The following ADGRD1 variants were observed in gnomAD, a reference collection of about 807,000 sequenced individuals.
ADGRD1 encodes adhesion G protein-coupled receptor D1.
In ADGRD1, 77 loss-of-function variants were observed where a neutral mutation model predicts 113.4. The observed-to-expected ratio is 0.68, with a 90% CI of 0.57 to 0.82. The LOEUF is 0.82. Among genes scored for constraint, ADGRD1 ranks in the 40% least tolerant of loss-of-function variants. ADGRD1 has a pLI of 0.00. For missense variants in ADGRD1, 1,036 were observed against 1,139.1 expected, an observed-to-expected ratio of 0.91 and a Z score of 1.30; for synonymous variants, 474 against 475.0, an observed-to-expected ratio of 1.00 and a Z score of 0.03.
intron 15 of ADGRD1, among the ~76,000 whole-genome samples, chr12:131,088,544 T>G (rs912906634): frequency 5.3e-5 from 8 of 152,076 alleles, no homozygotes; most frequent in Non-Finnish European, 8.8e-5. Context: ...CTCCCGGCCC[T>G]GAGCAAGGAC....
intron 13 of ADGRD1, chr12:131,069,109 C>A (rs1882196): frequency 6.6e-6 from 1 of 152,228 alleles, no homozygotes; most frequent in Admixed American, 6.5e-5. Flanking sequence ...GTCCCCCCGA[C>A]CCTGAGGCTC....
rs372462023 is a variant in ADGRD1 at position 130,994,327 on chromosome 12, CTG to C, written c.966+1938_966+1939del. ...TGTTGAGATGGGCTACAAGGGGTGA[CTG>C]TGGCAGGCGGTGCCTTCTATGCAGT... On this transcript the variant is annotated intron_variant, in intron 8 of 24. Transcript: ENST00000261654. The C allele has an allele frequency of 4.1e-5, 17 of 417,636 alleles. No individual in the cohort carries two copies. In the Middle Eastern group the frequency reaches 1.0e-3, roughly 26 times the overall value. The allele number at this position is 417,636 out of a possible 1,614,324, so 25.9% of individuals were successfully genotyped here.
At chr12:131,046,745 C>T (rs1206031952) in intron 13 of ADGRD1, among the ~76,000 whole-genome samples, 1 of 131,720 alleles carries the variant, frequency 7.6e-6, no homozygotes, top group South Asian at 2.6e-4. Context: ...CCTCCCTGGG[C>T]AGTGTCCTCC....
Position 131,075,564 on chromosome 12 carries a change from C to T in ADGRD1, c.1474-1237C>T, listed in dbSNP as rs1885535541. 1.3e-5 allele frequency among the ~76,000 whole-genome samples: 2 copies of T among 152,204 alleles called. No homozygotes were observed. The highest frequency in any genetic ancestry group is 6.5e-5 in the Admixed American group (1 of 15,280). On this transcript the variant is annotated intron_variant, in intron 13 of 24. Coordinates refer to ENST00000261654, the MANE Select transcript of ADGRD1 (RefSeq NM_198827.5). The surrounding 1 kb of genome is among the most constrained non-coding windows in gnomAD (Gnocchi z 5.3). ...GAGTAAACGTTCCATTTTGCCAAAA[C>T]ATTAGTAGTAGACAGCACTAGGATA...
At chr12:131,004,370 T>A (rs1343194228) in intron 11 of ADGRD1, 74 bp downstream of exon 11, 1 of 960,948 alleles carries the variant, frequency 1.0e-6, no homozygotes, top group Admixed American at 2.1e-5. Flanking sequence ...CAAGCTTTGC[T>A]GGGTGCCCAC....
intron 13 of ADGRD1, among the ~76,000 whole-genome samples, chr12:131,064,802 C>G (rs1340232761): frequency 6.6e-6 from 1 of 152,158 alleles, no homozygotes; most frequent in East Asian, 1.9e-4. Flanking sequence ...TTTTAGAAAG[C>G]AAAGGGAAAG....
At chr12:131,117,431 T>C (rs1184482347) in intron 18 of ADGRD1, among the ~76,000 whole-genome samples, 1 of 152,214 alleles carries the variant, frequency 6.6e-6, no homozygotes, top group South Asian at 2.1e-4. Flanking sequence ...AAGATTTTGT[T>C]TTCTTTTTCC....
intron 2 of ADGRD1, among the ~76,000 whole-genome samples, chr12:130,964,552 G>A (rs532794172): frequency 4.6e-5 from 7 of 152,272 alleles, no homozygotes; most frequent in Admixed American, 3.3e-4. Context: ...GGGCATGGTG[G>A]TCGGTGCCTG....
chr12:131,013,578 C>T (rs953545759), intron 12 of ADGRD1, among the ~76,000 whole-genome samples: 1 of 152,180 alleles, frequency 6.6e-6, no homozygotes, highest in East Asian at 1.9e-4. Context: ...TGATCCAGAC[C>T]CAGATACCAG....
Position 130,966,491 on chromosome 12 carries a change from T to A in ADGRD1, c.132T>A (p.His44Gln). The change falls in exon 3 of 25, where the codon CAT becomes CAA. Residue 44 changes from histidine to glutamine, a missense_variant. Physicochemically the swap from His to Gln is conservative, Grantham distance 24. Coordinates refer to ENST00000261654, the MANE Select transcript of ADGRD1 (RefSeq NM_198827.5). This position sits in a 1 kb window ranked among gnomAD's most constrained non-coding sequence, Gnocchi z 4.6. ...TTCAGGTGTTGGCGTCTGCTTCCCA[T>A]TACTGGCCACTGGAGAATGTGGATG... is the stretch of plus-strand genomic sequence containing the variant. Reference protein sequence around the residue: ...PGFQVLASASHYWPLENVDGI... With the variant: ...PGFQVLASASQYWPLENVDGI... The A allele has an allele frequency of 1.2e-6, 2 of 1,611,448 alleles. No individual in the cohort carries two copies. Among genetic ancestry groups the A allele is most frequent in the African/African-American group, 1.3e-5 (1 of 75,012 alleles).
chr12:131,076,583 G>A (rs962076821), intron 13 of ADGRD1, among the ~76,000 whole-genome samples: 1 of 152,012 alleles, frequency 6.6e-6, no homozygotes, highest in African/African-American at 2.4e-5. Context: ...CACCTGCCAG[G>A]GCCCTTGGGT....
chr12:131,088,853 G>A lies in ADGRD1; in HGVS notation c.1671+4190G>A, dbSNP rs565618100. On this transcript the variant is annotated intron_variant, in intron 15 of 24. Coordinates refer to ENST00000261654, the MANE Select transcript of ADGRD1 (RefSeq NM_198827.5). ...AAATCTTCTGACTGTTAGAGGTGTC[G>A]TCAGTTATTACTTCTGAGCCATATG... is the stretch of plus-strand genomic sequence containing the variant. Among the ~76,000 whole-genome samples the A allele has an allele frequency of 3.3e-5, 5 of 152,304 alleles. No homozygotes were observed. The East Asian group carries it at 7.7e-4, about 24-fold the overall frequency.
intron 2 of ADGRD1, among the ~76,000 whole-genome samples, chr12:130,955,123 C>CCTTTTTTTTTTTTT (rs1555232321): frequency 2.0e-5 from 2 of 99,716 alleles, no homozygotes; most frequent in East Asian, 5.2e-4. Context: ...CTACACCCAG[C>CCTTTTTTTTTTTTT]TTTTTTTTTT....
intron 2 of ADGRD1, among the ~76,000 whole-genome samples, chr12:130,963,514 C>T (rs1870655586): frequency 6.6e-6 from 1 of 152,090 alleles, no homozygotes; most frequent in Admixed American, 6.5e-5. Context: ...CTGCCCTGAA[C>T]CAACTATATT....
At position 131,096,776 on chromosome 12, in the gene ADGRD1, C is replaced by T. The variant is rs1214107440; in HGVS notation, c.1672-8055C>T. Reference sequence around the variant, plus strand: ...CGCCACAACTGTTTAAAGCAGCCATCGTCTGGGGCACAGTGGGGACTCAGC... The same window carrying T: ...CGCCACAACTGTTTAAAGCAGCCATTGTCTGGGGCACAGTGGGGACTCAGC... On this transcript the variant is annotated intron_variant, in intron 15 of 24. Coordinates refer to ENST00000261654, the MANE Select transcript of ADGRD1 (RefSeq NM_198827.5). This position sits in a 1 kb window ranked among gnomAD's most constrained non-coding sequence, Gnocchi z 5.2. Among the ~76,000 whole-genome samples, 2 of 152,222 alleles carry T rather than the reference C, an allele frequency of 1.3e-5. No homozygotes were observed. Among genetic ancestry groups the T allele is most frequent in the Admixed American group, 1.3e-4 (2 of 15,292 alleles).
chr12:131,046,590 T>G (rs375104079), intron 13 of ADGRD1, among the ~76,000 whole-genome samples: 2 of 117,462 alleles, frequency 1.7e-5, no homozygotes, highest in African/African-American at 3.8e-5. Context: ...CCCTCCCTGG[T>G]CAGTGTCCTC....
chr12:131,060,168 C>T lies in ADGRD1; in HGVS notation c.1474-16633C>T, dbSNP rs898800171. 5.3e-5 allele frequency among the ~76,000 whole-genome samples: 8 copies of T among 152,210 alleles called. No individual in the cohort carries two copies. The highest frequency in any genetic ancestry group is 1.7e-4 in the African/African-American group (7 of 41,460). The stretch of plus-strand genomic sequence containing the variant: ...TTCCCCCAGGGCTCTGCTGATGCCC[C>T]GCATTGCTTCTCCCCATGGCTTCAC... On this transcript the variant is annotated intron_variant, in intron 13 of 24. Transcript: ENST00000261654. This position sits in a 1 kb window ranked among gnomAD's most constrained non-coding sequence, Gnocchi z 4.4.
rs1355081114 is a variant in ADGRD1 at position 130,990,566 on chromosome 12, T to C, written c.746-448T>C. ...AGGAAGACAGTTTTCTCCACTGCTT[T>C]ACTGGGGCCTATTCTCACTTCATCG... On this transcript the variant is annotated intron_variant, in intron 6 of 24. Transcript: ENST00000261654. The C allele has an allele frequency of 1.9e-5, 3 of 154,396 alleles. No individual in the cohort carries two copies. In the East Asian group the frequency reaches 5.7e-4, roughly 30 times the overall value. 9.6% of individuals were successfully genotyped at this position (154,396 alleles called of 1,614,324 possible). A position where few individuals can be genotyped will look rare whatever the true frequency, so the allele number is the denominator to read the frequency against.
intron 3 of ADGRD1, chr12:130,968,834 G>A (rs1456162695): frequency 9.9e-6 from 6 of 608,700 alleles, no homozygotes; most frequent in Non-Finnish European, 1.7e-5. Flanking sequence ...GCTGGGGGAT[G>A]TGAGGTCCGA....
Sources: allele counts gnomAD v4.1 joint callset (sites outside exome capture counted in the v4.1 genomes callset), GRCh38; gene constraint gnomAD v4.1.1; non-coding constraint Gnocchi (gnomAD v3.1); transcripts MANE v1.5; gene names NCBI Gene and HGNC (gene_info 2026-07-23, HGNC 2026-07-21).